NETO2: variants seen among roughly 807,000 people sequenced by gnomAD.
NETO2 encodes neuropilin and tolloid-like protein 2.
Under a neutral mutation model 62.5 loss-of-function variants are expected in NETO2, and 28 were observed. The observed-to-expected ratio is 0.45, with a 90% CI of 0.33 to 0.61. The LOEUF is 0.61. Ranked by LOEUF, NETO2 falls within the 20% of genes least tolerant of loss-of-function variation. The probability of loss-of-function intolerance (pLI) is 0.02; values close to 1 mark genes in which losing one functional copy is unlikely to be tolerated. For missense variants in NETO2, 548 were observed against 643.2 expected (o/e 0.85, Z 1.60); for synonymous variants, 214 against 219.1 (o/e 0.98, Z 0.21).
intron 7 of NETO2, among the ~76,000 whole-genome samples, chr16:47,107,739 T>G (rs902156842): frequency 6.6e-6 from 1 of 152,196 alleles, no homozygotes; most frequent in Non-Finnish European, 1.5e-5. Flanking sequence ...TGGCTGAAGC[T>G]CGGGCTTTGA....
At position 47,109,681 on chromosome 16, in the gene NETO2, C is replaced by G; in HGVS notation, c.685G>C (p.Glu229Gln). 2 of 1,612,928 alleles carry G rather than the reference C, an allele frequency of 1.2e-6. No individual in the cohort carries two copies. The change falls in exon 7 of 9, where the codon GAG (glutamate) becomes CAG (glutamine). Residue 229 changes from glutamate to glutamine, a missense_variant. Transcript: ENST00000562435. ...TTTCTCTTGCATTCATTTGAGTGCT[C>G]CATTTGATAATCTAGGAACCTCAAA... ...IYLRFLDYQM[E>Q]HSNECKRNFV...
At chr16:47,140,805 A>C (rs945992793) in intron 1 of NETO2, among the ~76,000 whole-genome samples, 8 of 152,232 alleles carry the variant, frequency 5.3e-5, no homozygotes, top group Non-Finnish European at 1.0e-4. Flanking sequence ...GTCTCAGACA[A>C]GATTTTTAAA....
intron 7 of NETO2, among the ~76,000 whole-genome samples, chr16:47,087,214 C>T (rs756268473): frequency 1.2e-4 from 18 of 151,936 alleles, no homozygotes; most frequent in Non-Finnish European, 1.6e-4. Context: ...TTAGCAGAGA[C>T]GGGTTTTCAC....
chr16:47,083,845 A>C, intron 8 of NETO2, 44 bp from the exon 9 acceptor site: 1 of 1,402,758 alleles, frequency 7.1e-7, no homozygotes. Context: ...AAAATACATT[A>C]ATATGAATCC....
intron 6 of NETO2, among the ~76,000 whole-genome samples, chr16:47,113,719 G>A (rs1963850958): frequency 6.7e-6 from 1 of 149,886 alleles, no homozygotes; most frequent in Non-Finnish European, 1.5e-5. Context: ...AGCCTCCCAA[G>A]TAGCTGGGAT....
chr16:47,108,608 C>T (rs1596720451), intron 7 of NETO2, among the ~76,000 whole-genome samples: 1 of 152,170 alleles, frequency 6.6e-6, no homozygotes, highest in Non-Finnish European at 1.5e-5. Context: ...CTAGCTAGTA[C>T]TCTTGACAAT....
chr16:47,130,586 A>G (rs746241712), intron 2 of NETO2, among the ~76,000 whole-genome samples: 5 of 152,132 alleles, frequency 3.3e-5, no homozygotes, highest in Admixed American at 6.5e-5. Flanking sequence ...AAGTAAATCT[A>G]TAAGACAAAA....
intron 1 of NETO2, among the ~76,000 whole-genome samples, chr16:47,132,511 C>G (rs1359223860): frequency 6.6e-6 from 1 of 152,168 alleles, no homozygotes; most frequent in Non-Finnish European, 1.5e-5. Context: ...GAAATCAATT[C>G]AAACTGTCTT....
At chr16:47,133,305 T>TG (rs1159573664) in intron 1 of NETO2, among the ~76,000 whole-genome samples, 1 of 151,734 alleles carries the variant, frequency 6.6e-6, no homozygotes, top group Non-Finnish European at 1.5e-5. Context: ...AGGGCGCTGG[T>TG]GGCTCATGCC....
intron 7 of NETO2, among the ~76,000 whole-genome samples, chr16:47,103,294 G>A (rs1308079240): frequency 1.3e-5 from 2 of 152,278 alleles, no homozygotes; most frequent in Non-Finnish European, 2.9e-5. Context: ...GGGCCTGTTG[G>A]GGGATGAGGG....
intron 7 of NETO2, among the ~76,000 whole-genome samples, chr16:47,091,878 G>A (rs896916536): frequency 6.6e-6 from 1 of 151,844 alleles, no homozygotes; most frequent in African/African-American, 2.4e-5. Context: ...GTCTCACTCT[G>A]TTGCCCAGGC....
In NETO2 at chr16:47,131,954, A is replaced by G. The variant is rs370553026; in HGVS notation, c.91+15T>C. ...GTCTTAAACATGCAGTAAGTCACCA[A>G]TGTAAGTACTTTACCTTGGGTTTTT... On this transcript the variant is annotated intron_variant, in intron 2 of 8. Transcript: ENST00000562435. The G allele has an allele frequency of 8.1e-6, 13 of 1,607,030 alleles. No homozygotes were observed. The highest frequency in any genetic ancestry group is 2.2e-5 in the East Asian group (1 of 44,782).
intron 8 of NETO2, among the ~76,000 whole-genome samples, chr16:47,085,128 A>C (rs1963157721): frequency 6.6e-6 from 1 of 152,166 alleles, no homozygotes; most frequent in African/African-American, 2.4e-5. Flanking sequence ...CACAAGCTGC[A>C]TTTATCTTTC....
intron 6 of NETO2, among the ~76,000 whole-genome samples, chr16:47,118,563 C>T (rs2143944180): frequency 6.6e-6 from 1 of 152,306 alleles, no homozygotes; most frequent in Middle Eastern, 3.4e-3. Flanking sequence ...CTCCAAACAT[C>T]ACCATTTATA....
At chr16:47,102,694 G>A (rs1167947995) in intron 7 of NETO2, among the ~76,000 whole-genome samples, 1 of 151,618 alleles carries the variant, frequency 6.6e-6, no homozygotes, top group Non-Finnish European at 1.5e-5. Flanking sequence ...ATGAAAAAAA[G>A]CTCATCATCA....
chr16:47,102,126 G>A (rs1321472023), intron 7 of NETO2, among the ~76,000 whole-genome samples: 3 of 152,030 alleles, frequency 2.0e-5, no homozygotes, highest in African/African-American at 4.8e-5. Flanking sequence ...CAGAAACAAC[G>A]TCACATATCT....
At chr16:47,131,826 A>G (rs767436457) in intron 2 of NETO2, 143 bp downstream of exon 2, 29 of 691,926 alleles carry the variant, frequency 4.2e-5, no homozygotes, top group Non-Finnish European at 7.0e-5. Flanking sequence ...AGTTAAATTG[A>G]GGCTGATGGG....
intron 7 of NETO2, among the ~76,000 whole-genome samples, chr16:47,095,100 A>G (rs1212892418): frequency 1.3e-5 from 2 of 152,230 alleles, no homozygotes; most frequent in African/African-American, 4.8e-5. Context: ...ACAACCTTTA[A>G]TAAGAAAAAC....
intron 7 of NETO2, among the ~76,000 whole-genome samples, chr16:47,098,808 C>T (rs1342022868): frequency 6.6e-6 from 1 of 152,136 alleles, no homozygotes; most frequent in African/African-American, 2.4e-5. Context: ...AAGGGAAGCC[C>T]ATCAGACTAA....
Sources: gnomAD v4.1 joint callset for allele counts (sites outside exome capture counted in the v4.1 genomes callset) on GRCh38, gnomAD v4.1.1 for gene constraint, MANE v1.5 for transcripts, NCBI Gene and HGNC (gene_info 2026-07-23, HGNC 2026-07-21) for gene names.